The following MGAT4B variants were observed in gnomAD, a reference collection of about 807,000 sequenced individuals.
MGAT4B encodes the protein alpha-1,3-mannosyl-glycoprotein 4-beta-N-acetylglucosaminyltransferase B.
In MGAT4B, 38 loss-of-function variants were observed where a neutral mutation model predicts 73.9. That is an observed-to-expected ratio of 0.51 (90% CI 0.40 to 0.67). The LOEUF (loss-of-function observed/expected upper bound fraction) is 0.67, where lower values mean the gene tolerates loss of function less well. MGAT4B is among the 30% of genes least tolerant of loss of function. The pLI, the probability that MGAT4B is intolerant of heterozygous loss-of-function variation, is 0.00. For missense variants in MGAT4B, 686 were observed against 735.2 expected, an observed-to-expected ratio of 0.93 and a Z score of 0.77; for synonymous variants, 373 against 313.5, an observed-to-expected ratio of 1.19 and a Z score of -2.01.
intron 1 of MGAT4B, chr5:179,802,984 TCA>T: frequency 1.0e-6 from 1 of 985,432 alleles, no homozygotes; most frequent in Non-Finnish European, 1.2e-6. Flanking sequence ...CTTGGTGGCT[TCA>T]CAGACCCCAG....
In MGAT4B at chr5:179,798,913, G is replaced by C. The variant is rs376972309; in HGVS notation, c.1343+15C>G. 6.8e-6 allele frequency: 11 copies of C among 1,613,130 alleles called. No homozygotes were observed. The African/African-American group carries it at 1.3e-4, about 20-fold the overall frequency. On this transcript the variant is annotated intron_variant, in intron 11 of 14. Transcript: ENST00000292591. ...AGCCCCGCCCCCATCGCAGACCCAT[G>C]GTGCTGGCACTGACCGCTCCAGTCT...
In MGAT4B at chr5:179,799,593, G is replaced by A. The variant is rs759726537; in HGVS notation, c.954C>T (p.Phe318=). 19 of 1,613,942 alleles carry A rather than the reference G, an allele frequency of 1.2e-5. No homozygotes were observed. The East Asian group carries it at 4.0e-4, about 34-fold the overall frequency. Residue 318 remains phenylalanine (F), a synonymous_variant, in exon 9 of 15, where the codon TTC becomes TTT. Transcript: ENST00000292591. ...GCTTGTCCCGGTAGAACATGAGAAT[G>A]AACTCTACAATCAGGCTCAGGTCCA... ...KSLDLSLIVE[F]ILMFYRDKPI... is the part of the protein sequence containing the mutation.
chr5:179,806,419 C>T lies in MGAT4B; in HGVS notation c.97+68G>A, dbSNP rs1757159596. The T allele has an allele frequency of 4.9e-6, 5 of 1,029,420 alleles. No homozygotes were observed. The South Asian group carries it at 1.6e-4, about 33-fold the overall frequency. The allele number at this position is 1,029,420 out of a possible 1,614,324, so 63.8% of individuals were successfully genotyped here. A position where few individuals can be genotyped will look rare whatever the true frequency, so the allele number is the denominator to read the frequency against. ...GCTTCCGGCCGCCTTCCGCGGCCACCGCCGGGCCCGCTCCCGCCGCCGACG... is the reference window on the plus strand; with the variant it reads ...GCTTCCGGCCGCCTTCCGCGGCCACTGCCGGGCCCGCTCCCGCCGCCGACG... On this transcript the variant is annotated intron_variant, in intron 1 of 14. Coordinates refer to ENST00000292591, the MANE Select transcript of MGAT4B (RefSeq NM_014275.5). The surrounding 1 kb of genome is among the most constrained non-coding windows in gnomAD (Gnocchi z 4.6).
In MGAT4B at chr5:179,799,239, A is replaced by G. The variant is rs374162408; in HGVS notation, c.1113T>C (p.Thr371=). The G allele has an allele frequency of 2.5e-6, 4 of 1,613,914 alleles. No homozygotes were observed. Among genetic ancestry groups the G allele is most frequent in the East Asian group, 2.2e-5 (1 of 44,894 alleles). The change falls in exon 10 of 15, where the codon ACT becomes ACC. Residue 371 remains threonine, a synonymous_variant. Coordinates refer to ENST00000292591, the MANE Select transcript of MGAT4B (RefSeq NM_014275.5). ...GGATCTTGCCAGCCAGCGAGGAGTG[A>G]GTGCCCACGTGCTGGAAGAGGGACG... ...FKPSLFQHVG[T]HSSLAGKIQK... is the part of the protein sequence containing the mutation.
rs1362558475 is a variant in MGAT4B, at chr5:179,801,859, C to T, written c.208G>A (p.Glu70Lys). Reference sequence around the variant, plus strand: ...CTTTCTGACACGGCCCTCTTGATCTCGTCCAGCACCAGGTTGAGCTCCTTG... The same window carrying T: ...CTTTCTGACACGGCCCTCTTGATCTTGTCCAGCACCAGGTTGAGCTCCTTG... ...RSKELNLVLDEIKRAVSERQA... is the reference protein window; with the variant it reads ...RSKELNLVLDKIKRAVSERQA... Residue 70 changes from glutamate to lysine, a missense_variant, in exon 2 of 15, where the codon GAG (glutamate) becomes AAG (lysine). By Grantham distance (56) the Glu-to-Lys change is moderately conservative. Transcript: ENST00000292591. The surrounding 1 kb of genome is among the most constrained non-coding windows in gnomAD (Gnocchi z 4.8). 4 of 1,611,336 alleles carry T rather than the reference C, an allele frequency of 2.5e-6. No homozygotes were observed. Among genetic ancestry groups the T allele is most frequent in the Admixed American group, 3.3e-5 (2 of 59,956 alleles).
intron 10 of MGAT4B, 32 bp from the exon 11 acceptor site, chr5:179,799,153 T>C: frequency 6.2e-7 from 1 of 1,613,918 alleles, no homozygotes; most frequent in Non-Finnish European, 8.5e-7. Context: ...AGTGATGGCG[T>C]GGGCCCCGAC....
At position 179,801,883 on chromosome 5, in the gene MGAT4B, T is replaced by C. The variant is rs781025292; in HGVS notation, c.184A>G (p.Lys62Glu). 1.2e-6 allele frequency: 2 copies of C among 1,612,978 alleles called. No individual in the cohort carries two copies. Among genetic ancestry groups the C allele is most frequent in the Non-Finnish European group, 1.7e-6 (2 of 1,179,608 alleles). ...TCGTCCAGCACCAGGTTGAGCTCCT[T>C]GGAGCGCTTGAGGCTCTCCTGCTCA... is the stretch of plus-strand genomic sequence containing the variant. ...AAEQESLKRSKELNLVLDEIK... is the reference protein window; with the variant it reads ...AAEQESLKRSEELNLVLDEIK... Residue 62 changes from lysine to glutamate, a missense_variant, in exon 2 of 15, where the codon AAG (lysine) becomes GAG (glutamate). Lys to Glu is a moderately conservative substitution (Grantham distance 56). Transcript: ENST00000292591. This position sits in a 1 kb window ranked among gnomAD's most constrained non-coding sequence, Gnocchi z 4.8.
Position 179,802,420 on chromosome 5 carries a change from CT to C in MGAT4B, c.98-452del, listed in dbSNP as rs1756986153. 9 of 1,127,062 alleles carry C rather than the reference CT, an allele frequency of 8.0e-6. No individual in the cohort carries two copies. In the South Asian group the frequency reaches 3.0e-4, roughly 38 times the overall value. 69.8% of individuals were successfully genotyped at this position (1,127,062 alleles called of 1,614,324 possible). A position where few individuals can be genotyped will look rare whatever the true frequency, so the allele number is the denominator to read the frequency against. The stretch of plus-strand genomic sequence containing the variant: ...CTCTTCACTGTCCTTGTAGCGGTCG[CT>C]GGTTGCTCACCCTGCACTGGATTCT... On this transcript the variant is annotated intron_variant, in intron 1 of 14. Coordinates refer to ENST00000292591, the MANE Select transcript of MGAT4B (RefSeq NM_014275.5).
chr5:179,803,998 G>T (rs1222524522), intron 1 of MGAT4B, among the ~76,000 whole-genome samples: 1 of 152,186 alleles, frequency 6.6e-6, no homozygotes, highest in Non-Finnish European at 1.5e-5. Context: ...GGCAGCTCAG[G>T]TGAGGAGAGG....
rs370110578 is a variant in MGAT4B, at chr5:179,798,955, C to T, written c.1316G>A (p.Arg439His). 44 of 1,613,524 alleles carry T rather than the reference C, an allele frequency of 2.7e-5. No individual in the cohort carries two copies. Among genetic ancestry groups the T allele is most frequent in the Non-Finnish European group, 3.4e-5 (40 of 1,180,036 alleles). The change falls in exon 11 of 15, where the codon CGC becomes CAC. Residue 439 changes from arginine to histidine, a missense_variant. Arg to His is a conservative substitution (Grantham distance 29). Coordinates refer to ENST00000292591, the MANE Select transcript of MGAT4B (RefSeq NM_014275.5). The stretch of plus-strand genomic sequence containing the variant: ...CTCCAGTCTTAGAGGTTGGAAGAAG[C>T]GGAAGCGGATGAAGTCCCCCGCGGC... ...TPAAGDFIRFRFFQPLRLERF... is the reference protein window; with the variant it reads ...TPAAGDFIRFHFFQPLRLERF...
At chr5:179,802,230 C>G (rs144011774) in intron 1 of MGAT4B, 1 of 1,443,924 alleles carries the variant, frequency 6.9e-7, no homozygotes, top group African/African-American at 1.4e-5. Context: ...GAGAAGGCAT[C>G]TGAAGTGGAA....
At position 179,797,770 on chromosome 5, in the gene MGAT4B, C is replaced by T. The variant is rs1289223116; in HGVS notation, c.*275G>A. 2.1e-5 allele frequency: 9 copies of T among 422,144 alleles called. No individual in the cohort carries two copies. The highest frequency in any genetic ancestry group is 3.8e-5 in the Non-Finnish European group (9 of 237,630). 26.1% of individuals were successfully genotyped at this position (422,144 alleles called of 1,614,324 possible). A position where few individuals can be genotyped will look rare whatever the true frequency, so the allele number is the denominator to read the frequency against. On this transcript the variant is annotated 3_prime_UTR_variant, in exon 15 of 15. Transcript: ENST00000292591. Reference sequence around the variant, plus strand: ...GGCGGGCGCCCAAGTAAAAGCTCTTCTAAAACGGCCTGACTGGGGCAGGCC... The same window carrying T: ...GGCGGGCGCCCAAGTAAAAGCTCTTTTAAAACGGCCTGACTGGGGCAGGCC...
At chr5:179,805,237 C>G (rs1562623437) in intron 1 of MGAT4B, 1 of 152,302 alleles carries the variant, frequency 6.6e-6, no homozygotes, top group Non-Finnish European at 1.5e-5. Context: ...GCTCTACCCA[C>G]GACTCAAAGA....
At position 179,800,597 on chromosome 5, in the gene MGAT4B, C is replaced by A; in HGVS notation, c.606G>T (p.Leu202Phe). ...TSAVTENIKA[L>F]FPTEIHSGLL... ...GCCCAGAATGGATCTCCGTGGGGAA[C>A]CTGGGGGACGGGAAGGCCTAGTCCG... The change falls in exon 6 of 15, where the codon TTG becomes TTT. Residue 202 changes from leucine (L) to phenylalanine (F), a missense_variant and splice_region_variant. This residue lies in a region of MGAT4B where 449 missense variants were observed against 536.8 expected (regional missense o/e 0.84). Transcript: ENST00000292591. The A allele has an allele frequency of 1.3e-6, 2 of 1,597,442 alleles. No individual in the cohort carries two copies. The highest frequency in any genetic ancestry group is 2.2e-5 in the East Asian group (1 of 44,686).
intron 1 of MGAT4B, chr5:179,803,315 G>A (rs1757023986): frequency 1.0e-6 from 1 of 975,604 alleles, no homozygotes; most frequent in Non-Finnish European, 1.2e-6. Context: ...AGGGGAGTCA[G>A]ATTACTGGCT....
intron 1 of MGAT4B, chr5:179,802,657 A>G: frequency 1.0e-6 from 1 of 986,076 alleles, no homozygotes; most frequent in Non-Finnish European, 1.2e-6. Context: ...TCCGCATGCC[A>G]CCCCAGGGGG....
At position 179,806,075 on chromosome 5, in the gene MGAT4B, C is replaced by T. The variant is rs1757140689; in HGVS notation, c.97+412G>A. The T allele has an allele frequency of 1.3e-5, 2 of 150,276 alleles. No individual in the cohort carries two copies. The highest frequency in any genetic ancestry group is 2.4e-5 in the African/African-American group (1 of 41,168). 9.3% of individuals were successfully genotyped at this position (150,276 alleles called of 1,614,324 possible). ...GGACCGGGTGTCACGCCGGGGTCGC[C>T]CAGGCCGGCGCGGGGCAGCAGGCAG... On this transcript the variant is annotated intron_variant, in intron 1 of 14. Transcript: ENST00000292591. This position sits in a 1 kb window ranked among gnomAD's most constrained non-coding sequence, Gnocchi z 4.6.
chr5:179,798,330 C>T lies in MGAT4B; in HGVS notation c.1510+17G>A, dbSNP rs1188529285. The T allele has an allele frequency of 3.1e-6, 5 of 1,612,940 alleles. No homozygotes were observed. Among genetic ancestry groups the T allele is most frequent in the Non-Finnish European group, 4.2e-6 (5 of 1,179,978 alleles). ...TCCCTGAACCCCAGCCCACGCTCTC[C>T]CCCAAACCCTACCCACCGATCTGGA... On this transcript the variant is annotated intron_variant, in intron 13 of 14. Coordinates refer to ENST00000292591, the MANE Select transcript of MGAT4B (RefSeq NM_014275.5).
At position 179,801,216 on chromosome 5, in the gene MGAT4B, G is replaced by T. The variant is rs539865107; in HGVS notation, c.558+118C>A. On this transcript the variant is annotated intron_variant, in intron 4 of 14. Transcript: ENST00000292591. The surrounding 1 kb of genome is among the most constrained non-coding windows in gnomAD (Gnocchi z 4.8). ...CAACTTTCTATCTCGGAGCATTTGC[G>T]AATGAAACTAGCAACTGAACTTCCG... The T allele has an allele frequency of 2.0e-5, 28 of 1,392,202 alleles. No individual in the cohort carries two copies. The highest frequency in any genetic ancestry group is 2.6e-5 in the Non-Finnish European group (27 of 1,046,058). The allele number at this position is 1,392,202 out of a possible 1,614,324, so 86.2% of individuals were successfully genotyped here. A position where few individuals can be genotyped will look rare whatever the true frequency, so the allele number is the denominator to read the frequency against.
Sources: gnomAD v4.1 joint callset for allele counts (sites outside exome capture counted in the v4.1 genomes callset) on GRCh38, gnomAD v4.1.1 for gene constraint, gnomAD v4.1.1 regional missense constraint, Gnocchi (gnomAD v3.1) non-coding constraint, MANE v1.5 for transcripts, NCBI Gene and HGNC (gene_info 2026-07-23, HGNC 2026-07-21) for gene names.